EHBP1: variants seen among roughly 807,000 people sequenced by gnomAD.
EHBP1 encodes the protein EH domain binding protein 1.
A neutral mutation model predicts 144.0 loss-of-function variants in EHBP1; 55 were observed. The observed-to-expected ratio is 0.38, with a 90% confidence interval of 0.31 to 0.48. The LOEUF (loss-of-function observed/expected upper bound fraction) is 0.48, where lower values mean the gene tolerates loss of function less well. EHBP1 is among the 20% of genes least tolerant of loss of function. The pLI, the probability that EHBP1 is intolerant of heterozygous loss-of-function variation, is 0.98. For missense variants in EHBP1, 1,200 were observed against 1,364.2 expected (o/e 0.88, Z 1.90); for synonymous variants, 469 against 472.7 (o/e 0.99, Z 0.10).
intron 15 of EHBP1, among the ~76,000 whole-genome samples, chr2:62,990,299 A>G (rs1300183420): frequency 2.6e-5 from 4 of 152,174 alleles, no homozygotes; most frequent in African/African-American, 9.6e-5. Flanking sequence ...ATATGGCATT[A>G]TATTTATAAA....
intron 10 of EHBP1, among the ~76,000 whole-genome samples, chr2:62,927,159 G>A (rs778522117): frequency 2.0e-5 from 3 of 152,276 alleles, no homozygotes; most frequent in Non-Finnish European, 2.9e-5. Context: ...TCTCATAGAA[G>A]TAAAATGTAG....
rs531596884 is a variant in EHBP1 at position 62,945,915 on chromosome 2, C to T, written c.1413+2065C>T. ...TTACAGAAATTACCCTTTGGATGGG[C>T]ATGTTACAAAGTAAACTGTTCTCAT... On this transcript the variant is annotated intron_variant, in intron 12 of 22. Coordinates refer to ENST00000431489, the MANE Select transcript of EHBP1 (RefSeq NM_001142616.3). Among the ~76,000 whole-genome samples the T allele has an allele frequency of 2.6e-5, 4 of 152,280 alleles. No homozygotes were observed. In the East Asian group the frequency reaches 7.7e-4, roughly 29 times the overall value.
At chr2:62,724,884 T>G (rs1010507556) in intron 2 of EHBP1, among the ~76,000 whole-genome samples, 3 of 152,216 alleles carry the variant, frequency 2.0e-5, no homozygotes, top group Non-Finnish European at 4.4e-5. Context: ...GGGATGTAAC[T>G]TGTATGCTCC....
intron 5 of EHBP1, among the ~76,000 whole-genome samples, chr2:62,794,762 A>G (rs1338871308): frequency 5.3e-5 from 8 of 152,038 alleles, no homozygotes; most frequent in Non-Finnish European, 1.0e-4. Context: ...CACAAAGCCT[A>G]TTTTTGGATA....
At chr2:63,035,187 G>T (rs1377033185) in intron 19 of EHBP1, among the ~76,000 whole-genome samples, 1 of 151,952 alleles carries the variant, frequency 6.6e-6, no homozygotes. Context: ...TGTATTAGAA[G>T]AAATTTTAAT....
Position 62,948,280 on chromosome 2 carries a change from C to A in EHBP1, c.1434C>A (p.Ser478Arg). 1 of 1,577,448 alleles carries A rather than the reference C, an allele frequency of 6.3e-7. No individual in the cohort carries two copies. The highest frequency in any genetic ancestry group is 1.8e-5 in the Admixed American group (1 of 55,900). The change falls in exon 13 of 23, where the codon AGC becomes AGA. Residue 478 changes from serine to arginine, a missense_variant. Ser to Arg is a moderately radical substitution (Grantham distance 110). Coordinates refer to ENST00000431489, the MANE Select transcript of EHBP1 (RefSeq NM_001142616.3). ...TGAAGGCATACGATGGATTTGCCAG[C>A]ATAGGAATTTCCCGATTATTGGAAC... ...NNKKAYDGFA[S>R]IGISRLLEPS...
At chr2:62,677,017 G>T (rs559160939) in intron 1 of EHBP1, among the ~76,000 whole-genome samples, 3 of 152,236 alleles carry the variant, frequency 2.0e-5, no homozygotes, top group African/African-American at 7.2e-5. Context: ...TTAAAACTTA[G>T]CTGGGCATGG....
At chr2:62,799,021 A>AG (rs2043777261) in intron 5 of EHBP1, among the ~76,000 whole-genome samples, 2 of 151,674 alleles carry the variant, frequency 1.3e-5, no homozygotes, top group Admixed American at 1.3e-4. Context: ...AAAAAAAAAA[A>AG]AAAAGAAATT....
intron 2 of EHBP1, among the ~76,000 whole-genome samples, chr2:62,743,375 T>G (rs1356723245): frequency 6.6e-6 from 1 of 152,098 alleles, no homozygotes. Flanking sequence ...AATAGTTTCT[T>G]TAAGCTAAGG....
chr2:62,966,318 G>T (rs1158177715), intron 14 of EHBP1, among the ~76,000 whole-genome samples: 1 of 152,090 alleles, frequency 6.6e-6, no homozygotes, highest in South Asian at 2.1e-4. Flanking sequence ...AAAGGATTTA[G>T]CCCTATTTAG....
At chr2:62,793,768 A>G (rs1267703054) in intron 5 of EHBP1, among the ~76,000 whole-genome samples, 1 of 152,128 alleles carries the variant, frequency 6.6e-6, no homozygotes, top group East Asian at 1.9e-4. Context: ...GAAAACACTA[A>G]GTGTCTTTAT....
At chr2:62,918,239 T>C (rs2054797696) in intron 10 of EHBP1, among the ~76,000 whole-genome samples, 1 of 152,098 alleles carries the variant, frequency 6.6e-6, no homozygotes, top group Admixed American at 6.6e-5. Context: ...TCATTAAACC[T>C]GGAATTTCTT....
At chr2:62,945,676 G>A (rs1330756616) in intron 12 of EHBP1, among the ~76,000 whole-genome samples, 1 of 152,164 alleles carries the variant, frequency 6.6e-6, no homozygotes, top group Non-Finnish European at 1.5e-5. Context: ...CTGGAGCCTA[G>A]GAGCCCGAGG....
In EHBP1 at chr2:63,045,013, G is replaced by C; in HGVS notation, c.3278-53G>C. Reference sequence around the variant, plus strand: ...AAAGGCGGGAAGGGGAGGGCGGGGGGCCGGGTGTTCGGAGGCCCTGCCGGT... The same window carrying C: ...AAAGGCGGGAAGGGGAGGGCGGGGGCCCGGGTGTTCGGAGGCCCTGCCGGT... On this transcript the variant is annotated intron_variant, in intron 21 of 22. Transcript: ENST00000431489. The surrounding 1 kb of genome is among the most constrained non-coding windows in gnomAD (Gnocchi z 5.7). The C allele has an allele frequency of 9.0e-7, 1 of 1,114,612 alleles. No homozygotes were observed. 69.0% of individuals were successfully genotyped at this position (1,114,612 alleles called of 1,614,324 possible). A position where few individuals can be genotyped will look rare whatever the true frequency, so the allele number is the denominator to read the frequency against.
chr2:62,989,518 C>A (rs1422317837), intron 15 of EHBP1, among the ~76,000 whole-genome samples: 1 of 152,066 alleles, frequency 6.6e-6, no homozygotes, highest in Admixed American at 6.6e-5. Context: ...TAATTTTAAT[C>A]CTAACAGGCT....
At chr2:62,926,725 C>G (rs1380709761) in intron 10 of EHBP1, among the ~76,000 whole-genome samples, 3 of 152,026 alleles carry the variant, frequency 2.0e-5, no homozygotes, top group Non-Finnish European at 4.4e-5. Context: ...AAAGGAAACT[C>G]TTAGATACTG....
chr2:62,850,249 G>A (rs958666615), intron 7 of EHBP1, among the ~76,000 whole-genome samples: 7 of 152,130 alleles, frequency 4.6e-5, no homozygotes, highest in African/African-American at 1.4e-4. Context: ...TTATAATTTA[G>A]AGAATAACGA....
intron 19 of EHBP1, among the ~76,000 whole-genome samples, chr2:63,020,283 C>T (rs1472315016): frequency 1.4e-5 from 2 of 142,406 alleles, no homozygotes; most frequent in East Asian, 4.2e-4. Context: ...GAAATCATGC[C>T]ATTGCACGCC....
At chr2:63,033,974 T>G (rs2061364522) in intron 19 of EHBP1, among the ~76,000 whole-genome samples, 1 of 152,062 alleles carries the variant, frequency 6.6e-6, no homozygotes, top group Non-Finnish European at 1.5e-5. Flanking sequence ...ATTTAATAAT[T>G]TTTACAAATC....
Sources: gnomAD v4.1 joint callset for allele counts (sites outside exome capture counted in the v4.1 genomes callset) on GRCh38, gnomAD v4.1.1 for gene constraint, Gnocchi (gnomAD v3.1) non-coding constraint, MANE v1.5 for transcripts, NCBI Gene and HGNC (gene_info 2026-07-23, HGNC 2026-07-21) for gene names.